The following SERPINA12 variants were observed in gnomAD, a reference collection of about 807,000 sequenced individuals.
SERPINA12 encodes the protein serpin A12.
Under a neutral mutation model 25.9 loss-of-function variants are expected in SERPINA12, and 21 were observed. The observed-to-expected ratio is 0.81, with a 90% confidence interval of 0.58 to 1.17. The LOEUF is 1.17. SERPINA12 is among the 50% of genes most tolerant of loss of function. SERPINA12 has a pLI of 0.00. For missense variants in SERPINA12, 562 were observed against 508.3 expected (o/e 1.11, Z -1.02); for synonymous variants, 220 against 196.0 (o/e 1.12, Z -1.02).
chr14:94,499,161 C>T (rs947258743), intron 1 of SERPINA12, among the ~76,000 whole-genome samples: 3 of 152,174 alleles, frequency 2.0e-5, no homozygotes, highest in Non-Finnish European at 4.4e-5. Flanking sequence ...AGAGATCAAG[C>T]TCTTTGTTTA....
At chr14:94,500,686 C>T (rs563368709) in intron 1 of SERPINA12, among the ~76,000 whole-genome samples, 25 of 152,180 alleles carry the variant, frequency 1.6e-4, no homozygotes, top group African/African-American at 5.5e-4. Context: ...AACTTTGCCC[C>T]GTGAGGGAAG....
chr14:94,506,014 G>A (rs549138126), intron 1 of SERPINA12, among the ~76,000 whole-genome samples: 6 of 152,162 alleles, frequency 3.9e-5, no homozygotes, highest in South Asian at 4.1e-4. Context: ...CCCCCTTCAC[G>A]TGCCCATTAA....
chr14:94,495,146 G>A (rs1355438629), intron 3 of SERPINA12, among the ~76,000 whole-genome samples: 1 of 134,934 alleles, frequency 7.4e-6, no homozygotes, highest in East Asian at 2.2e-4. Flanking sequence ...TCGGCTCACT[G>A]CAAGCTCCGC....
upstream of SERPINA12, among the ~76,000 whole-genome samples, chr14:94,509,659 C>G (rs1901058138): frequency 6.6e-6 from 1 of 152,188 alleles, no homozygotes; most frequent in South Asian, 2.1e-4. Context: ...AAAGATCAGG[C>G]CTACTTTTTC....
intron 1 of SERPINA12, among the ~76,000 whole-genome samples, chr14:94,504,422 A>C (rs989136815): frequency 6.6e-6 from 1 of 152,242 alleles, no homozygotes; most frequent in Non-Finnish European, 1.5e-5. Flanking sequence ...TGGGTATGGA[A>C]GCCAGAATAG....
chr14:94,500,145 C>G (rs1900652585), intron 1 of SERPINA12, among the ~76,000 whole-genome samples: 1 of 152,188 alleles, frequency 6.6e-6, no homozygotes, highest in Admixed American at 6.5e-5. Context: ...CCAAATCCTT[C>G]TACGCCAAGC....
chr14:94,498,559 C>A, intron 1 of SERPINA12, 129 bp from the exon 2 acceptor site: 1 of 708,860 alleles, frequency 1.4e-6, no homozygotes, highest in Non-Finnish European at 2.3e-6. Flanking sequence ...TGCTTTGACC[C>A]CTTTATAGCA....
chr14:94,499,317 G>A (rs1190324378), intron 1 of SERPINA12, among the ~76,000 whole-genome samples: 1 of 152,180 alleles, frequency 6.6e-6, no homozygotes, highest in Non-Finnish European at 1.5e-5. Context: ...CTGGACTGCT[G>A]CTCCTTTCAT....
chr14:94,497,918 G>C lies in SERPINA12; in HGVS notation c.480C>G (p.Ala160=), dbSNP rs779410553. ...TCTGAAAGTTGGTAAGGATGGTTTC[G>C]GCACTGTAAAAGTTCTTGGCATCTT... ...FLEDAKNFYS[A]ETILTNFQNL... The change falls in exon 2 of 5, where the codon GCC becomes GCG. Residue 160 remains alanine, a synonymous_variant. Coordinates refer to ENST00000677451, the MANE Select transcript of SERPINA12 (RefSeq NM_001382267.1). 6.2e-7 allele frequency: 1 copy of C among 1,614,008 alleles called. No individual in the cohort carries two copies. Among genetic ancestry groups the C allele is most frequent in the Admixed American group, 1.7e-5 (1 of 60,000 alleles).
At chr14:94,491,792 T>C (rs1043873990) in intron 3 of SERPINA12, among the ~76,000 whole-genome samples, 1 of 152,140 alleles carries the variant, frequency 6.6e-6, no homozygotes, top group African/African-American at 2.4e-5. Context: ...TCTGGATGTG[T>C]TGACACTAAG....
intron 3 of SERPINA12, among the ~76,000 whole-genome samples, chr14:94,491,356 A>C (rs1171002674): frequency 1.3e-5 from 2 of 152,236 alleles, no homozygotes; most frequent in Admixed American, 6.5e-5. Flanking sequence ...TGAGGCAGGC[A>C]AGAGAGTTAG....
intron 1 of SERPINA12, chr14:94,500,845 A>G (rs1432455781): frequency 1.0e-6 from 1 of 985,210 alleles, no homozygotes; most frequent in Non-Finnish European, 1.2e-6. Flanking sequence ...ACTTCCTTGA[A>G]GCCAAAAACA....
chr14:94,501,245 G>A (rs1327152857), intron 1 of SERPINA12: 12 of 762,690 alleles, frequency 1.6e-5, no homozygotes, highest in Non-Finnish European at 1.9e-5. Flanking sequence ...CAAGTTCCCA[G>A]TGCCTAGGAG....
chr14:94,513,429 T>C (rs1006134791), upstream of SERPINA12, among the ~76,000 whole-genome samples: 4 of 152,206 alleles, frequency 2.6e-5, no homozygotes, highest in African/African-American at 4.8e-5. Context: ...GGGAAAAGAC[T>C]ATAGAGAATT....
chr14:94,498,387 G>A lies in SERPINA12; in HGVS notation c.11C>T (p.Thr4Ile), dbSNP rs781209466. The change falls in exon 2 of 5, where the codon ACA becomes ATA. Residue 4 changes from threonine to isoleucine, a missense_variant. Physicochemically the swap from Thr to Ile is moderately conservative, Grantham distance 89. Transcript: ENST00000677451. The part of the protein sequence containing the change: MNP[T>I]LGLAIFLAVL... Reference sequence around the variant, plus strand: ...AGCCAGAAAAATGGCCAGGCCTAGTGTGGGGTTCATTTTCCTTGAAGAATA... The same window carrying A: ...AGCCAGAAAAATGGCCAGGCCTAGTATGGGGTTCATTTTCCTTGAAGAATA... 1.9e-6 allele frequency: 3 copies of A among 1,613,006 alleles called. No homozygotes were observed.
chr14:94,507,115 A>G (rs1900956672), intron 1 of SERPINA12, among the ~76,000 whole-genome samples: 1 of 152,254 alleles, frequency 6.6e-6, no homozygotes, highest in Admixed American at 6.5e-5. Flanking sequence ...ATGTCCATAC[A>G]GGAAAAATAT....
chr14:94,489,816 C>T, intron 3 of SERPINA12, 49 bp from the exon 4 acceptor site: 1 of 1,586,924 alleles, frequency 6.3e-7, no homozygotes, highest in Non-Finnish European at 8.6e-7. Flanking sequence ...TGTTGTGTTG[C>T]AGGGCAAGCC....
upstream of SERPINA12, chr14:94,510,308 T>C: frequency 1.0e-6 from 1 of 971,512 alleles, no homozygotes; most frequent in Non-Finnish European, 1.2e-6. Flanking sequence ...TAGATGCTGG[T>C]AGAAGAGCAG....
At chr14:94,503,121 A>G in intron 1 of SERPINA12, 2 of 873,038 alleles carry the variant, frequency 2.3e-6, no homozygotes, top group Non-Finnish European at 2.7e-6. Flanking sequence ...AAGGACTGAT[A>G]TTGCTTTAAG....
Sources: allele counts gnomAD v4.1 joint callset (sites outside exome capture counted in the v4.1 genomes callset), GRCh38; gene constraint gnomAD v4.1.1; transcripts MANE v1.5; gene names NCBI Gene and HGNC (gene_info 2026-07-23, HGNC 2026-07-21).